The following DLGAP2 variants were observed in gnomAD, a reference collection of about 807,000 sequenced individuals.
The protein encoded by DLGAP2 is DLG associated protein 2.
A neutral mutation model predicts 100.3 loss-of-function variants in DLGAP2; 26 were observed. The ratio of observed to expected loss-of-function variants is 0.26; its 90% CI spans 0.19 to 0.36. The LOEUF (loss-of-function observed/expected upper bound fraction) is 0.36. DLGAP2 is among the 10% of genes least tolerant of loss of function. The pLI, the probability that DLGAP2 is intolerant of heterozygous loss-of-function variation, is 1.00. For synonymous variants in DLGAP2, 886 were observed against 630.1 expected, an observed-to-expected ratio of 1.41 and a Z score of -6.08; for missense variants, 1,858 against 1,453.2, an observed-to-expected ratio of 1.28 and a Z score of -4.53.
intron 2 of DLGAP2, among the ~76,000 whole-genome samples, chr8:980,158 A>G (rs78002323): frequency 6.6e-6 from 1 of 152,194 alleles, no homozygotes; most frequent in African/African-American, 2.4e-5. Context: ...CTCTCAGGAG[A>G]CAAATCTATA....
At chr8:1,430,768 G>C (rs1372888775) in intron 3 of DLGAP2, among the ~76,000 whole-genome samples, 1 of 152,156 alleles carries the variant, frequency 6.6e-6, no homozygotes, top group Non-Finnish European at 1.5e-5. Context: ...CCAAAAATAA[G>C]ATGAACAGTT....
Position 1,496,335 on chromosome 8 carries a change from G to A in DLGAP2, c.107-5031G>A, listed in dbSNP as rs376549235. On this transcript the variant is annotated intron_variant, in intron 3 of 14. Coordinates refer to ENST00000637795, the MANE Select transcript of DLGAP2 (RefSeq NM_001346810.2). ...GCGCCGAGAGGAGTGCATGGGGGTC[G>A]GAACCTGCAGGTCTGTCTGCGCCTC... Among the ~76,000 whole-genome samples the A allele has an allele frequency of 1.6e-4, 25 of 152,190 alleles. 1 individual carries two copies. The highest frequency in any genetic ancestry group is 1.4e-3 in the East Asian group (7 of 5,154).
At chr8:923,849 G>A (rs1476743051) in intron 2 of DLGAP2, among the ~76,000 whole-genome samples, 3 of 152,236 alleles carry the variant, frequency 2.0e-5, no homozygotes, top group Non-Finnish European at 4.4e-5. Flanking sequence ...AAGGTCTAAA[G>A]TTTATGAGAT....
At chr8:1,041,628 AGTGTTCTCCGAGCCCCTTGCCG>A in intron 2 of DLGAP2, among the ~76,000 whole-genome samples, 2 of 105,030 alleles carry the variant, frequency 1.9e-5, no homozygotes, top group African/African-American at 8.1e-5. Context: ...GCCGTGGGTG[AGTGTTCTCCGAGCCCCTTGCCG>A]TGGGTGAGTG....
intron 2 of DLGAP2, among the ~76,000 whole-genome samples, chr8:1,164,000 G>A (rs1461617686): frequency 3.3e-5 from 5 of 152,216 alleles, no homozygotes; most frequent in Admixed American, 6.5e-5. Context: ...CAGTGTTCAG[G>A]GTTTTTCTTA....
rs182071441 is a variant in DLGAP2 at position 780,171 on chromosome 8, G to A, written c.18+42346G>A. ...CCCGCCAACCCCACCTACCAGCCTGGCCCTCACTGTTCTACTCTGTTTCCA... is the reference window on the plus strand; with the variant it reads ...CCCGCCAACCCCACCTACCAGCCTGACCCTCACTGTTCTACTCTGTTTCCA... On this transcript the variant is annotated intron_variant, in intron 1 of 14. Coordinates refer to ENST00000637795, the MANE Select transcript of DLGAP2 (RefSeq NM_001346810.2). Among the ~76,000 whole-genome samples, 280 of 152,160 alleles carry A rather than the reference G, an allele frequency of 1.8e-3. 1 individual carries two copies. The highest frequency in any genetic ancestry group is 4.4e-3 in the South Asian group (21 of 4,808).
chr8:903,605 T>C (rs888240377), intron 1 of DLGAP2, among the ~76,000 whole-genome samples: 5 of 152,094 alleles, frequency 3.3e-5, no homozygotes, highest in Non-Finnish European at 7.4e-5. Flanking sequence ...ATGAGTGTTA[T>C]TCCTCCACTC....
intron 3 of DLGAP2, among the ~76,000 whole-genome samples, chr8:1,409,528 A>T (rs1199699137): frequency 6.6e-6 from 1 of 152,114 alleles, no homozygotes; most frequent in African/African-American, 2.4e-5. Context: ...CGTGCTCAGA[A>T]CCCTCCTCGC....
intron 6 of DLGAP2, among the ~76,000 whole-genome samples, chr8:1,593,902 C>T (rs1275229184): frequency 1.3e-5 from 2 of 152,252 alleles, no homozygotes; most frequent in African/African-American, 4.8e-5. Flanking sequence ...CACACCTCAG[C>T]TTCTTCAGGG....
At chr8:926,834 C>T (rs1046040223) in intron 2 of DLGAP2, among the ~76,000 whole-genome samples, 2 of 152,266 alleles carry the variant, frequency 1.3e-5, no homozygotes, top group East Asian at 1.9e-4. Flanking sequence ...CCGGCAAGGA[C>T]GGCTGCAGTT....
intron 2 of DLGAP2, among the ~76,000 whole-genome samples, chr8:1,145,466 G>T (rs1677689248): frequency 6.6e-6 from 1 of 152,174 alleles, no homozygotes; most frequent in African/African-American, 2.4e-5. Context: ...CTCCCGTCCT[G>T]TGGGTGTGCA....
At chr8:1,303,287 C>G (rs1800405018) in intron 3 of DLGAP2, among the ~76,000 whole-genome samples, 1 of 151,986 alleles carries the variant, frequency 6.6e-6, no homozygotes, top group Non-Finnish European at 1.5e-5. Flanking sequence ...GTCCCAGCTA[C>G]TCGGGAGGCT....
intron 6 of DLGAP2, chr8:1,619,618 G>C (rs1797263957): frequency 6.6e-6 from 1 of 152,192 alleles, no homozygotes; most frequent in Non-Finnish European, 1.5e-5. Context: ...GGTCTTGCAA[G>C]GACAAGTTAA....
At chr8:1,230,427 T>G (rs2116832211) in intron 2 of DLGAP2, among the ~76,000 whole-genome samples, 1 of 152,296 alleles carries the variant, frequency 6.6e-6, no homozygotes, top group South Asian at 2.1e-4. Context: ...TTAAAATGGC[T>G]GTACTGCCCA....
intron 1 of DLGAP2, among the ~76,000 whole-genome samples, chr8:847,961 C>G (rs143462007): frequency 5.3e-4 from 80 of 152,218 alleles, no homozygotes; most frequent in African/African-American, 1.8e-3. Context: ...TTGATTTAGA[C>G]TTAATGTGAA....
chr8:1,368,132 T>C (rs1214069330), intron 3 of DLGAP2, among the ~76,000 whole-genome samples: 2 of 152,236 alleles, frequency 1.3e-5, no homozygotes, highest in African/African-American at 4.8e-5. Flanking sequence ...CATGTGCGTG[T>C]ATGCATGTGT....
Position 1,701,221 on chromosome 8 carries a change from A to C in DLGAP2, c.2983A>C (p.Lys995Gln). The change falls in exon 15 of 15, where the codon AAG becomes CAG. Residue 995 changes from lysine (K) to glutamine (Q), a missense_variant. Physicochemically the swap from Lys to Gln is moderately conservative, Grantham distance 53 (BLOSUM62 1). Coordinates refer to ENST00000637795, the MANE Select transcript of DLGAP2 (RefSeq NM_001346810.2). ...AAAGGTCCCGCCTCCAATACCAAAG[A>C]AGCCTCCCAAGGGGAAGTTTCCCAT... ...ERKVPPPIPK[K>Q]PPKGKFPITR... is the part of the protein sequence containing the mutation. The C allele has an allele frequency of 1.3e-6, 2 of 1,574,064 alleles. No individual in the cohort carries two copies. Among genetic ancestry groups the C allele is most frequent in the South Asian group, 2.3e-5 (2 of 85,620 alleles).
At chr8:1,341,908 GAGGTCTGAGGTT>G (rs1801427404) in intron 3 of DLGAP2, among the ~76,000 whole-genome samples, 1 of 151,994 alleles carries the variant, frequency 6.6e-6, no homozygotes, top group Non-Finnish European at 1.5e-5. Flanking sequence ...TGAAGCAATT[GAGGTCTGAGGTT>G]TTGTTTTGTT....
chr8:1,705,946 G>A lies in DLGAP2; in HGVS notation c.*4540G>A, dbSNP rs547516291. The A allele has an allele frequency of 6.6e-6, 1 of 152,326 alleles. No homozygotes were observed. Among genetic ancestry groups the A allele is most frequent in the South Asian group, 2.1e-4 (1 of 4,824 alleles). 9.4% of individuals were successfully genotyped at this position (152,326 alleles called of 1,614,324 possible). Reference sequence around the variant, plus strand: ...ATTAGGATCTGTAACTCTGTGGGCTGGGTCAATGCAGTGTGCTTCATTCAG... The same window carrying A: ...ATTAGGATCTGTAACTCTGTGGGCTAGGTCAATGCAGTGTGCTTCATTCAG... On this transcript the variant is annotated 3_prime_UTR_variant, in exon 15 of 15. Coordinates refer to ENST00000637795, the MANE Select transcript of DLGAP2 (RefSeq NM_001346810.2).
Sources: allele counts gnomAD v4.1 joint callset (sites outside exome capture counted in the v4.1 genomes callset), GRCh38; gene constraint gnomAD v4.1.1; transcripts MANE v1.5; gene names NCBI Gene and HGNC (gene_info 2026-07-23, HGNC 2026-07-21).